Variants in DAB1 observed in about 807,000 individuals in gnomAD.
DAB1 encodes the protein DAB adaptor protein 1, also known as disabled homolog 1.
DAB1 carries 15 observed loss-of-function variants against 64.6 expected under a neutral mutation model. The ratio of observed to expected loss-of-function variants is 0.23; its 90% CI spans 0.16 to 0.36. DAB1 has a LOEUF of 0.36. Ranked by LOEUF, DAB1 falls within the 10% of genes least tolerant of loss-of-function variation. The probability of loss-of-function intolerance (pLI) is 1.00; values close to 1 mark genes in which losing one functional copy is unlikely to be tolerated. For missense variants in DAB1, 596 were observed against 706.7 expected (o/e 0.84, Z 1.78); for synonymous variants, 235 against 251.9 (o/e 0.93, Z 0.64).
intron 4 of DAB1, among the ~76,000 whole-genome samples, chr1:58,207,750 CCTTA>C (rs1450933241): frequency 6.6e-6 from 1 of 152,084 alleles, no homozygotes; most frequent in Non-Finnish European, 1.5e-5. Context: ...ACACAGAGTT[CCTTA>C]CTAATATTAA....
At chr1:57,010,127 TTTGA>T (rs1431335371) in intron 14 of DAB1, among the ~76,000 whole-genome samples, 3 of 152,214 alleles carry the variant, frequency 2.0e-5, no homozygotes, top group Non-Finnish European at 1.5e-5. Context: ...TCTCTGTGTG[TTTGA>T]TTGGTGACCT....
chr1:58,106,012 T>TA (rs1425783471), intron 5 of DAB1, among the ~76,000 whole-genome samples: 1 of 152,218 alleles, frequency 6.6e-6, no homozygotes, highest in Non-Finnish European at 1.5e-5. Flanking sequence ...GCAAAGAACA[T>TA]ATCTTTGCAA....
At chr1:57,629,235 A>T (rs1413070775) in intron 7 of DAB1, among the ~76,000 whole-genome samples, 1 of 152,218 alleles carries the variant, frequency 6.6e-6, no homozygotes, top group Non-Finnish European at 1.5e-5. Flanking sequence ...TTTAGAAAAG[A>T]TTACTAAACA....
At chr1:57,191,556 C>T (rs756328352) in intron 2 of DAB1, among the ~76,000 whole-genome samples, 3 of 152,126 alleles carry the variant, frequency 2.0e-5, no homozygotes, top group Non-Finnish European at 2.9e-5. Flanking sequence ...ACTATATCCC[C>T]GCTCCCCTTT....
chr1:57,613,232 G>A (rs1411667498), intron 7 of DAB1, among the ~76,000 whole-genome samples: 1 of 152,166 alleles, frequency 6.6e-6, no homozygotes, highest in Non-Finnish European at 1.5e-5. Context: ...GTCCAGTTGT[G>A]AATGAAAAGA....
At chr1:57,713,206 C>A (rs1203450298) in intron 6 of DAB1, among the ~76,000 whole-genome samples, 2 of 152,174 alleles carry the variant, frequency 1.3e-5, no homozygotes, top group African/African-American at 4.8e-5. Flanking sequence ...CCCAAATAAG[C>A]ATAACATCCT....
chr1:58,309,501 T>C (rs543068104), intron 4 of DAB1, among the ~76,000 whole-genome samples: 38 of 152,266 alleles, frequency 2.5e-4, no homozygotes, highest in Non-Finnish European at 4.7e-4. Context: ...TTTCTTGGTT[T>C]TTATAAATGA....
At chr1:57,097,419 A>G (rs1029357119) in intron 4 of DAB1, among the ~76,000 whole-genome samples, 2 of 152,192 alleles carry the variant, frequency 1.3e-5, no homozygotes, top group African/African-American at 4.8e-5. Context: ...TCCAGACAGG[A>G]GAAGAAGGAG....
intron 4 of DAB1, among the ~76,000 whole-genome samples, chr1:58,282,237 C>G (rs761959908): frequency 8.5e-5 from 13 of 152,200 alleles, no homozygotes; most frequent in Non-Finnish European, 1.6e-4. Flanking sequence ...TGCTGCTACA[C>G]TGCCTCACAG....
chr1:58,294,231 A>G (rs1035667055), intron 4 of DAB1, among the ~76,000 whole-genome samples: 18 of 152,230 alleles, frequency 1.2e-4, no homozygotes, highest in Admixed American at 4.6e-4. Flanking sequence ...ATTTTTGACT[A>G]TGAAAAAAAT....
At chr1:57,033,525 G>C (rs1443067866) in intron 9 of DAB1, 2 of 1,612,846 alleles carry the variant, frequency 1.2e-6, no homozygotes, top group East Asian at 4.5e-5. Flanking sequence ...ATTCTTACCG[G>C]GGTGGCTGCA....
At chr1:57,714,613 A>G (rs1356065927) in intron 6 of DAB1, among the ~76,000 whole-genome samples, 3 of 152,304 alleles carry the variant, frequency 2.0e-5, no homozygotes, top group East Asian at 3.9e-4. Flanking sequence ...GTTCTTGGAG[A>G]TCCGGGAAGC....
chr1:57,950,939 G>C (rs1482124636), intron 5 of DAB1, among the ~76,000 whole-genome samples: 1 of 152,040 alleles, frequency 6.6e-6, no homozygotes, highest in Non-Finnish European at 1.5e-5. Context: ...TTGGAAACAG[G>C]CACCTTGTGG....
At chr1:58,021,104 T>C (rs1011440769) in intron 5 of DAB1, among the ~76,000 whole-genome samples, 1 of 152,152 alleles carries the variant, frequency 6.6e-6, no homozygotes, top group Non-Finnish European at 1.5e-5. Flanking sequence ...GAAGTCACCA[T>C]AGGAAAAAGG....
chr1:57,812,319 C>CAAA (rs67005172), intron 6 of DAB1, among the ~76,000 whole-genome samples: 1 of 101,212 alleles, frequency 9.9e-6, no homozygotes, highest in Non-Finnish European at 2.0e-5. Context: ...GATTCATTGC[C>CAAA]AAAAAAAAAA....
chr1:57,797,358 A>G (rs1192022703), intron 6 of DAB1, among the ~76,000 whole-genome samples: 6 of 152,202 alleles, frequency 3.9e-5, no homozygotes, highest in African/African-American at 1.2e-4. Context: ...TCTGAAGGCA[A>G]TACTCCAGTT....
At chr1:57,611,895 G>T (rs1284967322) in intron 7 of DAB1, among the ~76,000 whole-genome samples, 1 of 152,056 alleles carries the variant, frequency 6.6e-6, no homozygotes, top group African/African-American at 2.4e-5. Context: ...GAATAAACTC[G>T]AAATTCCATA....
chr1:58,265,392 C>T (rs1162881339), intron 4 of DAB1, among the ~76,000 whole-genome samples: 4 of 152,218 alleles, frequency 2.6e-5, no homozygotes, highest in Admixed American at 6.5e-5. Flanking sequence ...TCCTCACTGG[C>T]CTGCTCTGTT....
chr1:57,329,069 A>G (rs1359770835), intron 1 of DAB1, among the ~76,000 whole-genome samples: 1 of 152,164 alleles, frequency 6.6e-6, no homozygotes, highest in Non-Finnish European at 1.5e-5. Flanking sequence ...TCCCATTTCT[A>G]TAACTCTATA....
Sources: gnomAD v4.1 joint callset for allele counts (sites outside exome capture counted in the v4.1 genomes callset) on GRCh38, gnomAD v4.1.1 for gene constraint, MANE v1.5 for transcripts, NCBI Gene and HGNC (gene_info 2026-07-23, HGNC 2026-07-21) for gene names.